The following TDRD9 variants were observed in gnomAD, a reference collection of about 807,000 sequenced individuals.
TDRD9 encodes ATP-dependent RNA helicase TDRD9.
A neutral mutation model predicts 172.6 loss-of-function variants in TDRD9; 124 were observed. The ratio of observed to expected loss-of-function variants is 0.72; its 90% CI spans 0.62 to 0.83. The LOEUF (loss-of-function observed/expected upper bound fraction) is 0.83, where lower values mean the gene tolerates loss of function less well. TDRD9 is among the 40% of genes least tolerant of loss of function. TDRD9 has a pLI of 0.00. For synonymous variants in TDRD9, 619 were observed against 617.1 expected (o/e 1.00, Z -0.05); for missense variants, 1,479 against 1,714.1 (o/e 0.86, Z 2.42).
chr14:103,975,692 T>C lies in TDRD9; in HGVS notation c.1011+139T>C, dbSNP rs1200539399. ...GATGCATACTAAGTGTACATATTTA[T>C]GGAGTATAGTGTGGTATTTTGATAC... On this transcript the variant is annotated intron_variant, in intron 7 of 35. Coordinates refer to ENST00000409874, the MANE Select transcript of TDRD9 (RefSeq NM_153046.3). 4 of 859,100 alleles carry C rather than the reference T, an allele frequency of 4.7e-6. No homozygotes were observed. In the African/African-American group the frequency reaches 6.8e-5, roughly 15 times the overall value. The allele number at this position is 859,100 out of a possible 1,614,324, so 53.2% of individuals were successfully genotyped here.
rs1214080919 is a variant in TDRD9 at position 104,040,300 on chromosome 14, T to C, written c.3821T>C (p.Phe1274Ser). The C allele has an allele frequency of 6.4e-7, 1 of 1,551,436 alleles. No homozygotes were observed. The highest frequency in any genetic ancestry group is 8.7e-7 in the Non-Finnish European group (1 of 1,146,824). The change falls in exon 33 of 36, where the codon TTT (phenylalanine) becomes TCT (serine). Residue 1274 changes from phenylalanine (F) to serine (S), a missense_variant. Physicochemically the swap from Phe to Ser is radical, Grantham distance 155. Transcript: ENST00000409874. ...ILPEHDMELA[F>S]DVQFSVEDVV... The stretch of plus-strand genomic sequence containing the variant: ...CCCGAGCACGACATGGAGCTTGCGT[T>C]TGACGTTCAATTCAGCGTGGAGGAT...
rs2034185928 is a variant in TDRD9, at chr14:103,999,642, G to GTCATTTAATCTTTTAATCTTCCT, written c.1483+914_1483+915insTCATTTAATCTTTTAATCTTCCT. Among the ~76,000 whole-genome samples the GTCATTTAATCTTTTAATCTTCCT allele has an allele frequency of 4.8e-5, 6 of 125,954 alleles. 1 individual carries two copies. The highest frequency in any genetic ancestry group is 7.8e-5 in the Admixed American group (1 of 12,848). The allele number at this position is 125,954 out of a possible 152,430, so 82.6% of individuals were successfully genotyped here. ...GGCTTTTTTTTTTGTTTGTTTTTTA[G>GTCATTTAATCTTTTAATCTTCCT]AAAACCTTTTGGGAAGGGTAGATAA... On this transcript the variant is annotated intron_variant, in intron 13 of 35. Transcript: ENST00000409874.
At position 103,938,431 on chromosome 14, in the gene TDRD9, TATA is replaced by T. The variant is rs1566723267; in HGVS notation, c.215+9708_215+9710del. Among the ~76,000 whole-genome samples the T allele has an allele frequency of 1.4e-3, 91 of 66,288 alleles. 2 individuals are homozygous for T. Among genetic ancestry groups the T allele is most frequent in the African/African-American group, 4.8e-3 (86 of 17,918 alleles). 43.5% of individuals were successfully genotyped at this position (66,288 alleles called of 152,430 possible). On this transcript the variant is annotated intron_variant, in intron 1 of 35. Transcript: ENST00000409874. ...GTGTGTGTGTATATATATATATATA[TATA>T]TATATATTTTTTTTTTTTTTTTGAG...
chr14:103,960,423 A>T (rs1251327037), intron 2 of TDRD9, among the ~76,000 whole-genome samples: 1 of 152,224 alleles, frequency 6.6e-6, no homozygotes, highest in Non-Finnish European at 1.5e-5. Flanking sequence ...TGTGTTGTTA[A>T]TCATGTAGGA....
In TDRD9 at chr14:103,945,029, C is replaced by T. The variant is rs144711984; in HGVS notation, c.216-10635C>T. On this transcript the variant is annotated intron_variant, in intron 1 of 35. Coordinates refer to ENST00000409874, the MANE Select transcript of TDRD9 (RefSeq NM_153046.3). ...ACAAGAAAGACCTAGTTCCTACTCCCAAGGAGCCAGCCTCCAAATGTGAAG... is the reference window on the plus strand; with the variant it reads ...ACAAGAAAGACCTAGTTCCTACTCCTAAGGAGCCAGCCTCCAAATGTGAAG... Among the ~76,000 whole-genome samples the T allele has an allele frequency of 8.5e-4, 130 of 152,306 alleles. 3 individuals carry two copies. In the East Asian group the frequency reaches 0.024, roughly 28 times the overall value.
intron 1 of TDRD9, among the ~76,000 whole-genome samples, chr14:103,951,927 A>C (rs113315826): frequency 0.024 from 3,530 of 149,682 alleles, 78 homozygotes; most frequent in East Asian, 0.073. Context: ...CCACCATGCC[A>C]GGCTAATTTT....
At chr14:103,983,243 A>G (rs2033548127) in intron 7 of TDRD9, among the ~76,000 whole-genome samples, 1 of 151,486 alleles carries the variant, frequency 6.6e-6, no homozygotes, top group Non-Finnish European at 1.5e-5. Context: ...TTGTATTTTT[A>G]GTAGAGATGG....
At chr14:103,952,442 C>T (rs1473614188) in intron 1 of TDRD9, among the ~76,000 whole-genome samples, 8 of 149,088 alleles carry the variant, frequency 5.4e-5, no homozygotes, top group African/African-American at 9.8e-5. Flanking sequence ...GGGGTTTCAC[C>T]GTGTTAGCCA....
intron 24 of TDRD9, among the ~76,000 whole-genome samples, chr14:104,023,279 A>G (rs760297892): frequency 5.3e-5 from 8 of 151,446 alleles, no homozygotes; most frequent in Non-Finnish European, 7.4e-5. Context: ...TTTTAGTTAA[A>G]TAGTAGGGAT....
chr14:103,993,834 T>C (rs1014852891), intron 9 of TDRD9, among the ~76,000 whole-genome samples: 1 of 152,222 alleles, frequency 6.6e-6, no homozygotes, highest in Non-Finnish European at 1.5e-5. Context: ...TCAATACGTC[T>C]TTTTAGGGGA....
At chr14:103,933,082 T>G (rs2030511250) in intron 1 of TDRD9, among the ~76,000 whole-genome samples, 1 of 152,178 alleles carries the variant, frequency 6.6e-6, no homozygotes, top group South Asian at 2.1e-4. Context: ...TAAATTTTGT[T>G]TCCAGTGATT....
At chr14:104,004,524 A>G (rs1226807585) in intron 14 of TDRD9, among the ~76,000 whole-genome samples, 189 bp downstream of exon 14, 1 of 152,106 alleles carries the variant, frequency 6.6e-6, no homozygotes, top group African/African-American at 2.4e-5. Flanking sequence ...GATTACAGGC[A>G]CACACCACCA....
intron 1 of TDRD9, chr14:103,941,181 AT>A: frequency 8.5e-7 from 1 of 1,181,654 alleles, no homozygotes. Context: ...TACAGCTTGA[AT>A]AATGTATACA....
chr14:103,940,981 T>A, intron 1 of TDRD9: 1 of 1,535,438 alleles, frequency 6.5e-7, no homozygotes, highest in Non-Finnish European at 8.7e-7. Flanking sequence ...GCTCCCTGAG[T>A]CCTCCAGGTC....
rs960647012 is a variant in TDRD9 at position 104,035,069 on chromosome 14, C to G, written c.3716+13C>G. ...TGATAGAGTTAAGGTACGGGCATCC[C>G]TCTTGTCTATAGGCTTTGTAAAATA... On this transcript the variant is annotated intron_variant, in intron 32 of 35. Coordinates refer to ENST00000409874, the MANE Select transcript of TDRD9 (RefSeq NM_153046.3). The G allele has an allele frequency of 5.8e-6, 9 of 1,547,230 alleles. No homozygotes were observed. In the African/African-American group the frequency reaches 1.1e-4, roughly 19 times the overall value.
chr14:104,013,484 G>T (rs897446506), intron 20 of TDRD9, among the ~76,000 whole-genome samples: 1 of 152,132 alleles, frequency 6.6e-6, no homozygotes, highest in Admixed American at 6.5e-5. Flanking sequence ...CCTCTGGGTG[G>T]GCACAGTTAT....
chr14:104,022,343 G>C lies in TDRD9; in HGVS notation c.2606+13G>C. 2 of 1,606,912 alleles carry C rather than the reference G, an allele frequency of 1.2e-6. No individual in the cohort carries two copies. Among genetic ancestry groups the C allele is most frequent in the Non-Finnish European group, 1.7e-6 (2 of 1,175,864 alleles). ...TCAGGAACACAAGGTATTTTCGGGA[G>C]GGAGGTGGCAGACAGGCCGTGCCTG... On this transcript the variant is annotated intron_variant, in intron 24 of 35. Coordinates refer to ENST00000409874, the MANE Select transcript of TDRD9 (RefSeq NM_153046.3).
At chr14:103,941,630 G>A in intron 1 of TDRD9, 1 of 1,535,178 alleles carries the variant, frequency 6.5e-7, no homozygotes, top group Non-Finnish European at 8.7e-7. Flanking sequence ...CTATGTCTGA[G>A]CCAGGATAGT....
In TDRD9 at chr14:103,936,574, T is replaced by TA. The variant is rs1305520535; in HGVS notation, c.215+7855dup. On this transcript the variant is annotated intron_variant, in intron 1 of 35. Coordinates refer to ENST00000409874, the MANE Select transcript of TDRD9 (RefSeq NM_153046.3). Reference sequence around the variant, plus strand: ...TGTATATGGGTATACAATCAAACAATAAAAATCACAATATCCTGGCAAGTG... The same window carrying TA: ...TGTATATGGGTATACAATCAAACAATAAAAAATCACAATATCCTGGCAAGTG... 2.0e-5 allele frequency among the ~76,000 whole-genome samples: 3 copies of TA among 152,188 alleles called. No homozygotes were observed. The East Asian group carries it at 5.8e-4, about 29-fold the overall frequency.
Sources: gnomAD v4.1 joint callset for allele counts (sites outside exome capture counted in the v4.1 genomes callset) on GRCh38, gnomAD v4.1.1 for gene constraint, MANE v1.5 for transcripts, NCBI Gene and HGNC (gene_info 2026-07-23, HGNC 2026-07-21) for gene names.